The following TMEM132D variants were observed in gnomAD, a reference collection of about 807,000 sequenced individuals.
The protein encoded by TMEM132D is transmembrane protein 132D, also known as mature OL transmembrane protein.
In TMEM132D, 21 loss-of-function variants were observed where a neutral mutation model predicts 62.3. The ratio of observed to expected loss-of-function variants is 0.34; its 90% CI spans 0.24 to 0.49. The LOEUF (loss-of-function observed/expected upper bound fraction) is 0.49. Ranked by LOEUF, TMEM132D falls within the 20% of genes least tolerant of loss-of-function variation. TMEM132D has a pLI of 0.99. For synonymous variants in TMEM132D, 621 were observed against 575.6 expected, an observed-to-expected ratio of 1.08 and a Z score of -1.13; for missense variants, 1,346 against 1,402.8, an observed-to-expected ratio of 0.96 and a Z score of 0.65.
chr12:129,265,138 C>T (rs1290204744), intron 4 of TMEM132D, among the ~76,000 whole-genome samples: 3 of 152,086 alleles, frequency 2.0e-5, no homozygotes, highest in African/African-American at 7.2e-5. Flanking sequence ...TCTGAGCTGC[C>T]AGGTGGGTCA....
rs1191141044 is a variant in TMEM132D at position 129,326,900 on chromosome 12, A to AT, written c.1299+10733dup. 2.0e-5 allele frequency among the ~76,000 whole-genome samples: 3 copies of AT among 152,216 alleles called. No individual in the cohort carries two copies. The East Asian group carries it at 5.8e-4, about 29-fold the overall frequency. On this transcript the variant is annotated intron_variant, in intron 4 of 8. Coordinates refer to ENST00000422113, the MANE Select transcript of TMEM132D (RefSeq NM_133448.3). ...TTATAATAAAATAATAGGTACTCAA[A>AT]TACATAAATTTTGGGGGCAGGAACA... is the stretch of plus-strand genomic sequence containing the variant.
Position 129,165,413 on chromosome 12 carries a change from A to G in TMEM132D, c.1443+44107T>C, listed in dbSNP as rs946526099. Among the ~76,000 whole-genome samples, 4 of 152,230 alleles carry G rather than the reference A, an allele frequency of 2.6e-5. No individual in the cohort carries two copies. The East Asian group carries it at 5.8e-4, about 22-fold the overall frequency. The stretch of plus-strand genomic sequence containing the variant: ...ATTGAACTCTACGTAATGATAGACA[A>G]ACAAGTGTTTATATATAAAGTGTTG... On this transcript the variant is annotated intron_variant, in intron 5 of 8. Coordinates refer to ENST00000422113, the MANE Select transcript of TMEM132D (RefSeq NM_133448.3).
chr12:129,447,936 A>G (rs1317315157), intron 3 of TMEM132D, among the ~76,000 whole-genome samples: 1 of 152,168 alleles, frequency 6.6e-6, no homozygotes, highest in Non-Finnish European at 1.5e-5. Flanking sequence ...TCCAGCAAAC[A>G]GTGAGTGCTT....
intron 5 of TMEM132D, chr12:129,113,331 G>T (rs896470173): frequency 1.3e-5 from 2 of 152,136 alleles, no homozygotes; most frequent in African/African-American, 4.8e-5. Flanking sequence ...TTCTGTCCAG[G>T]GGGCAGATGG....
intron 3 of TMEM132D, among the ~76,000 whole-genome samples, chr12:129,527,185 T>A (rs1262203274): frequency 3.9e-5 from 6 of 152,082 alleles, no homozygotes; most frequent in African/African-American, 1.4e-4. Context: ...GGTGCACGCC[T>A]GTAATCCCAG....
chr12:129,646,224 G>A (rs1474658590), intron 2 of TMEM132D, among the ~76,000 whole-genome samples: 2 of 152,158 alleles, frequency 1.3e-5, no homozygotes, highest in African/African-American at 4.8e-5. Context: ...TTCTGCCCCA[G>A]AGTTCACAAA....
chr12:129,554,366 A>C (rs1218550895), intron 2 of TMEM132D, among the ~76,000 whole-genome samples: 1 of 152,194 alleles, frequency 6.6e-6, no homozygotes, highest in Non-Finnish European at 1.5e-5. Context: ...TGGAAAATTC[A>C]TGCAAGCATG....
At chr12:129,834,348 G>T (rs942815427) in intron 1 of TMEM132D, among the ~76,000 whole-genome samples, 1 of 151,858 alleles carries the variant, frequency 6.6e-6, no homozygotes, top group African/African-American at 2.4e-5. Context: ...CACCACCATC[G>T]GGCCAGCATC....
intron 2 of TMEM132D, among the ~76,000 whole-genome samples, chr12:129,694,794 G>C (rs1364337736): frequency 1.3e-5 from 2 of 152,162 alleles, no homozygotes; most frequent in Non-Finnish European, 2.9e-5. Flanking sequence ...AGCTCACGAG[G>C]TCAGGAGATC....
chr12:129,615,876 C>G (rs1445776160), intron 2 of TMEM132D, among the ~76,000 whole-genome samples: 1 of 151,498 alleles, frequency 6.6e-6, no homozygotes, highest in East Asian at 1.9e-4. Context: ...GACTTGCTAC[C>G]CCCGTCCCAG....
At chr12:129,140,719 A>T (rs1469288529) in intron 5 of TMEM132D, among the ~76,000 whole-genome samples, 1 of 152,040 alleles carries the variant, frequency 6.6e-6, no homozygotes, top group South Asian at 2.1e-4. Flanking sequence ...GGTGCTTGTA[A>T]TCTCGGCTAC....
At chr12:129,308,986 A>G (rs1255147756) in intron 4 of TMEM132D, among the ~76,000 whole-genome samples, 7 of 152,222 alleles carry the variant, frequency 4.6e-5, no homozygotes, top group Non-Finnish European at 1.0e-4. Flanking sequence ...TAAGCTGCTC[A>G]TGTGAGCAAA....
intron 5 of TMEM132D, among the ~76,000 whole-genome samples, chr12:129,198,582 CTCATT>C (rs1471461085): frequency 1.3e-5 from 2 of 152,166 alleles, no homozygotes; most frequent in African/African-American, 4.8e-5. Flanking sequence ...ACTGCATGTT[CTCATT>C]TGTGGAATTT....
intron 1 of TMEM132D, among the ~76,000 whole-genome samples, chr12:129,735,954 C>T (rs1273085185): frequency 2.6e-5 from 4 of 152,190 alleles, no homozygotes; most frequent in South Asian, 2.1e-4. Flanking sequence ...CTGACCACCC[C>T]CAGTCCAGCA....
rs571728290 is a variant in TMEM132D at position 129,175,135 on chromosome 12, A to G, written c.1443+34385T>C. ...TGCAATTGCTTTTCACATTTTTGTCATGAAGTCTTTGTCCATGCCTATGTC... is the reference window on the plus strand; with the variant it reads ...TGCAATTGCTTTTCACATTTTTGTCGTGAAGTCTTTGTCCATGCCTATGTC... On this transcript the variant is annotated intron_variant, in intron 5 of 8. Transcript: ENST00000422113. Among the ~76,000 whole-genome samples, 10 of 152,278 alleles carry G rather than the reference A, an allele frequency of 6.6e-5. No homozygotes were observed. In the South Asian group the frequency reaches 1.7e-3, roughly 25 times the overall value.
chr12:129,866,683 T>C (rs952362244), intron 1 of TMEM132D, among the ~76,000 whole-genome samples: 1 of 152,030 alleles, frequency 6.6e-6, no homozygotes, highest in Non-Finnish European at 1.5e-5. Context: ...GAATGTAAGT[T>C]GGTAAAGCCA....
chr12:129,855,162 TATAACA>T (rs1566009867), intron 1 of TMEM132D, among the ~76,000 whole-genome samples: 14 of 101,512 alleles, frequency 1.4e-4, no homozygotes, highest in Middle Eastern at 7.7e-3. Flanking sequence ...TGGGTGCCCT[TATAACA>T]GAGTCCGGGG....
intron 2 of TMEM132D, among the ~76,000 whole-genome samples, chr12:129,649,275 A>G (rs1879862836): frequency 2.0e-5 from 3 of 152,202 alleles, no homozygotes; most frequent in South Asian, 2.1e-4. Context: ...ATTGAATTCC[A>G]TATTCCTTCA....
chr12:129,102,140 T>A (rs1362455161), intron 5 of TMEM132D, among the ~76,000 whole-genome samples: 1 of 152,196 alleles, frequency 6.6e-6, no homozygotes, highest in Non-Finnish European at 1.5e-5. Flanking sequence ...CCCTCTGTGC[T>A]GTTGGTACCT....
Sources: allele counts gnomAD v4.1 joint callset (sites outside exome capture counted in the v4.1 genomes callset), GRCh38; gene constraint gnomAD v4.1.1; transcripts MANE v1.5; gene names NCBI Gene and HGNC (gene_info 2026-07-23, HGNC 2026-07-21).